TEX10: variants seen among roughly 807,000 people sequenced by gnomAD.
TEX10 encodes the protein testis expressed 10.
A neutral mutation model predicts 104.4 loss-of-function variants in TEX10; 24 were observed. The ratio of observed to expected loss-of-function variants is 0.23; its 90% CI spans 0.17 to 0.32. TEX10 has a LOEUF of 0.32. Among genes scored for constraint, TEX10 ranks in the 10% least tolerant of loss-of-function variants. The pLI is 1.00. For synonymous variants in TEX10, 396 were observed against 393.4 expected (o/e 1.01, Z -0.08); for missense variants, 921 against 1,083.9 (o/e 0.85, Z 2.11).
chr9:100,351,043 C>T (rs1188963277), intron 1 of TEX10, among the ~76,000 whole-genome samples: 1 of 152,028 alleles, frequency 6.6e-6, no homozygotes, highest in Non-Finnish European at 1.5e-5. Context: ...ATGTGCGTGT[C>T]CCTCAAGTCT....
At position 100,352,871 on chromosome 9, in the gene TEX10, G is replaced by C. The variant is rs1445809787; in HGVS notation, c.-109C>G. 9 of 999,836 alleles carry C rather than the reference G, an allele frequency of 9.0e-6. No homozygotes were observed. Among genetic ancestry groups the C allele is most frequent in the Non-Finnish European group, 9.5e-6 (8 of 840,450 alleles). The allele number at this position is 999,836 out of a possible 1,614,324, so 61.9% of individuals were successfully genotyped here. On this transcript the variant is annotated 5_prime_UTR_variant, in exon 1 of 15. Coordinates refer to ENST00000374902, the MANE Select transcript of TEX10 (RefSeq NM_017746.4). ...CGTGCGCCGCCGACCTCAGGCTCTA[G>C]CTCCCGGAGCGTGTTTTCAAATAGC...
chr9:100,326,537 T>C, intron 8 of TEX10, 58 bp from the exon 9 acceptor site: 1 of 1,508,038 alleles, frequency 6.6e-7, no homozygotes. Context: ...AACCAGAGAT[T>C]AATAAAGCAG....
At chr9:100,350,326 C>T (rs533509998) in intron 1 of TEX10, among the ~76,000 whole-genome samples, 1 of 152,272 alleles carries the variant, frequency 6.6e-6, no homozygotes, top group Non-Finnish European at 1.5e-5. Flanking sequence ...TGGCCCTTTA[C>T]GAAACAGCTC....
At chr9:100,340,420 A>C (rs1417811736) in intron 4 of TEX10, 51 bp from the exon 5 acceptor site, 3 of 1,169,410 alleles carry the variant, frequency 2.6e-6, no homozygotes, top group South Asian at 1.5e-5. Context: ...ATGTAAAATA[A>C]GCAATAAAAC....
chr9:100,349,991 G>C (rs1230695018), intron 1 of TEX10, among the ~76,000 whole-genome samples: 2 of 152,090 alleles, frequency 1.3e-5, no homozygotes, highest in African/African-American at 4.8e-5. Context: ...ATAAACCTCA[G>C]ACTAAACAGA....
At chr9:100,350,654 C>A (rs1344454007) in intron 1 of TEX10, among the ~76,000 whole-genome samples, 1 of 151,830 alleles carries the variant, frequency 6.6e-6, no homozygotes, top group East Asian at 1.9e-4. Flanking sequence ...TGTGCCTGGC[C>A]ATAAAAAGTG....
chr9:100,334,901 G>A (rs1834970086), intron 5 of TEX10, among the ~76,000 whole-genome samples: 1 of 152,126 alleles, frequency 6.6e-6, no homozygotes, highest in African/African-American at 2.4e-5. Context: ...TTGATCTCAG[G>A]TGATCTGCCC....
intron 10 of TEX10, 105 bp from the exon 11 acceptor site, chr9:100,320,503 A>T: frequency 7.8e-7 from 1 of 1,279,618 alleles, no homozygotes; most frequent in Middle Eastern, 2.3e-4. Context: ...AACATTCTTT[A>T]AGCTACCTTG....
rs764784663 is a variant in TEX10 at position 100,303,698 on chromosome 9, A to T, written c.2610T>A (p.His870Gln). The T allele has an allele frequency of 3.7e-6, 6 of 1,614,122 alleles. No homozygotes were observed. The highest frequency in any genetic ancestry group is 1.3e-5 in the African/African-American group (1 of 75,016). The change falls in exon 14 of 15, where the codon CAT (histidine) becomes CAA (glutamine). Residue 870 changes from histidine (H) to glutamine (Q), a missense_variant. Physicochemically the swap from His to Gln is conservative, Grantham distance 24. Transcript: ENST00000374902. ...VGQLLRLLLQ[H>Q]APLRTHMLTN... ...TCAACATATGAGTCCTGAGGGGTGC[A>T]TGCTGAAGCAGCAGTCGAAGCAGCT... is the stretch of plus-strand genomic sequence containing the variant.
At chr9:100,352,450 C>T in intron 1 of TEX10, 1 of 1,551,734 alleles carries the variant, frequency 6.4e-7, no homozygotes, top group Non-Finnish European at 8.7e-7. Flanking sequence ...GTTCCTCCTA[C>T]TCCAAGGGAC....
In TEX10 at chr9:100,346,958, A is replaced by G; in HGVS notation, c.629T>C (p.Leu210Pro). ...GAGTCTCCGATTAGGATTTACAGAA[A>G]GTATCCAGGACTGGGATCTGTCTCT... ...INRDRSQSWI[L>P]SVNPNRRLTS... The change falls in exon 3 of 15, where the codon CTT becomes CCT. Residue 210 changes from leucine (L) to proline (P), a missense_variant. Physicochemically the swap from Leu to Pro is moderately conservative, Grantham distance 98. Around this residue, in one of 3 missense-constraint regions of TEX10, gnomAD observed 753 missense variants for 868.4 expected, o/e 0.87. Transcript: ENST00000374902. The G allele has an allele frequency of 6.2e-7, 1 of 1,614,230 alleles. No individual in the cohort carries two copies. The highest frequency in any genetic ancestry group is 8.5e-7 in the Non-Finnish European group (1 of 1,180,036).
chr9:100,338,382 G>C (rs1835065126), intron 5 of TEX10, among the ~76,000 whole-genome samples: 1 of 152,104 alleles, frequency 6.6e-6, no homozygotes, highest in South Asian at 2.1e-4. Flanking sequence ...CAGCCCTATG[G>C]GGTTCTTGCT....
At chr9:100,344,832 G>A (rs1044642838) in intron 4 of TEX10, among the ~76,000 whole-genome samples, 1 of 152,144 alleles carries the variant, frequency 6.6e-6, no homozygotes, top group Admixed American at 6.6e-5. Flanking sequence ...GGCAACAAGA[G>A]CGAAACTATG....
chr9:100,329,058 ATC>A, intron 7 of TEX10, 80 bp downstream of exon 7: 1 of 1,356,062 alleles, frequency 7.4e-7, no homozygotes, highest in Non-Finnish European at 9.9e-7. Flanking sequence ...CAAAGATTTA[ATC>A]TCTCTAAAAT....
At chr9:100,337,389 G>A (rs1835037241) in intron 5 of TEX10, among the ~76,000 whole-genome samples, 1 of 152,114 alleles carries the variant, frequency 6.6e-6, no homozygotes, top group Non-Finnish European at 1.5e-5. Flanking sequence ...ACATTTTGAT[G>A]AAAATTATAC....
chr9:100,308,162 T>G (rs1437029758), intron 13 of TEX10, among the ~76,000 whole-genome samples: 2 of 152,192 alleles, frequency 1.3e-5, no homozygotes, highest in African/African-American at 4.8e-5. Flanking sequence ...ATACAAAGGT[T>G]GGTACTAATA....
intron 1 of TEX10, among the ~76,000 whole-genome samples, chr9:100,351,731 G>A (rs1402971390): frequency 6.6e-6 from 1 of 152,186 alleles, no homozygotes; most frequent in East Asian, 1.9e-4. Flanking sequence ...AAATTAAGAA[G>A]GCTGATTGAC....
intron 5 of TEX10, among the ~76,000 whole-genome samples, chr9:100,339,335 TTA>T (rs1322744699): frequency 7.5e-6 from 1 of 133,970 alleles, no homozygotes; most frequent in Non-Finnish European, 1.5e-5. Flanking sequence ...TATTTATATA[TTA>T]TATATAATAT....
intron 14 of TEX10, among the ~76,000 whole-genome samples, chr9:100,302,983 G>C (rs10124893): frequency 6.7e-6 from 1 of 150,098 alleles, no homozygotes; most frequent in South Asian, 2.1e-4. Context: ...AGCTGTCCCG[G>C]CCAAACAGAC....
Sources: gnomAD v4.1 joint callset for allele counts (sites outside exome capture counted in the v4.1 genomes callset) on GRCh38, gnomAD v4.1.1 for gene constraint, gnomAD v4.1.1 regional missense constraint, MANE v1.5 for transcripts, NCBI Gene and HGNC (gene_info 2026-07-23, HGNC 2026-07-21) for gene names.